BID: variants seen among roughly 807,000 people sequenced by gnomAD.
BID encodes the protein BH3 interacting domain death agonist, also known as BH3-interacting domain death agonist.
Under a neutral mutation model 17.4 loss-of-function variants are expected in BID, and 19 were observed. The ratio of observed to expected loss-of-function variants is 1.09; its 90% CI spans 0.76 to 1.60. BID has a LOEUF of 1.60. Among genes scored for constraint, BID ranks in the 40% most tolerant of loss-of-function variants. BID has a pLI of 0.00. For synonymous variants in BID, 108 were observed against 102.8 expected (o/e 1.05, Z -0.31); for missense variants, 226 against 256.0 (o/e 0.88, Z 0.80).
chr22:17,741,695 C>T (rs2061460821), intron 3 of BID, among the ~76,000 whole-genome samples: 1 of 152,084 alleles, frequency 6.6e-6, no homozygotes, highest in Admixed American at 6.5e-5. Flanking sequence ...CTAGGGTGGT[C>T]TTGAACTCCT....
intron 1 of BID, among the ~76,000 whole-genome samples, chr22:17,762,340 T>C (rs2061645319): frequency 1.3e-5 from 2 of 151,912 alleles, no homozygotes; most frequent in African/African-American, 4.8e-5. Context: ...CTACTAAAAA[T>C]ACAAAAATTA....
At chr22:17,751,144 G>C (rs908534230) in intron 1 of BID, among the ~76,000 whole-genome samples, 1 of 151,604 alleles carries the variant, frequency 6.6e-6, no homozygotes, top group Non-Finnish European at 1.5e-5. Context: ...AGGCCGAGGC[G>C]GGTGGATCAT....
At chr22:17,748,188 G>A (rs1296684) in intron 2 of BID, among the ~76,000 whole-genome samples, 1 of 146,096 alleles carries the variant, frequency 6.8e-6, no homozygotes, top group East Asian at 2.1e-4. Flanking sequence ...CAGCCTGGGC[G>A]ACAGAGCAAA....
chr22:17,738,323 T>A, intron 4 of BID, 94 bp from the exon 5 acceptor site: 2 of 1,189,128 alleles, frequency 1.7e-6, no homozygotes, highest in Non-Finnish European at 2.4e-6. Flanking sequence ...TCAAAGTACT[T>A]ATTAAGTATC....
intron 1 of BID, among the ~76,000 whole-genome samples, chr22:17,757,479 C>T (rs148376174): frequency 0.025 from 3,760 of 148,572 alleles, 134 homozygotes; most frequent in African/African-American, 0.086. Flanking sequence ...GAGGCCGAGG[C>T]GGGCGGATCA....
chr22:17,736,738 C>T (rs1452573440), intron 5 of BID, among the ~76,000 whole-genome samples: 1 of 152,250 alleles, frequency 6.6e-6, no homozygotes, highest in Admixed American at 6.5e-5. Context: ...CCTTCTGCCC[C>T]AGCCTCCTGA....
chr22:17,739,610 G>A (rs2061444298), intron 3 of BID, 122 bp from the exon 4 acceptor site: 1 of 1,305,944 alleles, frequency 7.7e-7, no homozygotes, highest in Non-Finnish European at 1.0e-6. Flanking sequence ...AGCCCCCACT[G>A]GGCACGTGCT....
intron 1 of BID, among the ~76,000 whole-genome samples, chr22:17,751,933 C>A (rs1278918669): frequency 1.3e-5 from 2 of 152,318 alleles, no homozygotes; most frequent in Non-Finnish European, 1.5e-5. Flanking sequence ...AGGAAACAGG[C>A]CACAGAGGCC....
At chr22:17,757,469 G>T (rs1249631501) in intron 1 of BID, among the ~76,000 whole-genome samples, 16 of 150,836 alleles carry the variant, frequency 1.1e-4, no homozygotes, top group Non-Finnish European at 2.4e-4. Flanking sequence ...AGCACTTTGG[G>T]AGGCCGAGGC....
upstream of BID, chr22:17,774,585 G>C (rs907177325): frequency 6.7e-6 from 1 of 150,330 alleles, no homozygotes; most frequent in Non-Finnish European, 1.5e-5. Context: ...GCGCGGGGCT[G>C]TGGAGCGGGG....
At chr22:17,768,389 G>A (rs1316782299) in intron 1 of BID, among the ~76,000 whole-genome samples, 1 of 152,220 alleles carries the variant, frequency 6.6e-6, no homozygotes, top group Non-Finnish European at 1.5e-5. Flanking sequence ...GAAGTCAGTG[G>A]ACCCCTATGC....
chr22:17,735,866 C>G (rs1378091614), intron 5 of BID, among the ~76,000 whole-genome samples: 1 of 152,164 alleles, frequency 6.6e-6, no homozygotes. Context: ...TGCCTCAGCC[C>G]TCAGTCTCTG....
Position 17,764,375 on chromosome 22 carries a change from G to A in BID, c.-59+10006C>T, listed in dbSNP as rs1246508451. ...AGGAGAAAGAGCCCTATTGGGAAGA[G>A]GCGTTGGCTGTGCCCCTACACTGAG... is the stretch of plus-strand genomic sequence containing the variant. On this transcript the variant is annotated intron_variant, in intron 1 of 5. Transcript: ENST00000622694. The A allele has an allele frequency of 2.0e-5, 3 of 152,838 alleles. No individual in the cohort carries two copies. In the East Asian group the frequency reaches 5.8e-4, roughly 29 times the overall value. The allele number at this position is 152,838 out of a possible 1,614,324, so 9.5% of individuals were successfully genotyped here.
chr22:17,751,945 C>G (rs936972918), intron 1 of BID, among the ~76,000 whole-genome samples: 1 of 152,196 alleles, frequency 6.6e-6, no homozygotes, highest in African/African-American at 2.4e-5. Context: ...ACAGAGGCCA[C>G]GGCACCTCCC....
chr22:17,755,011 C>T (rs2061571033), intron 1 of BID, among the ~76,000 whole-genome samples: 1 of 151,992 alleles, frequency 6.6e-6, no homozygotes, highest in Non-Finnish European at 1.5e-5. Context: ...GATCGCCCAC[C>T]TTGGCCTCCC....
intron 1 of BID, among the ~76,000 whole-genome samples, chr22:17,771,719 A>G (rs1474524696): frequency 6.6e-6 from 1 of 152,126 alleles, no homozygotes; most frequent in Non-Finnish European, 1.5e-5. Context: ...CGCAGGCAGA[A>G]AGAGAAAAGG....
intron 3 of BID, 56 bp from the exon 4 acceptor site, chr22:17,739,544 C>T: frequency 1.3e-6 from 2 of 1,568,882 alleles, no homozygotes; most frequent in Non-Finnish European, 1.7e-6. Flanking sequence ...GTCCCTGATA[C>T]CCTCTCCCAC....
chr22:17,748,793 G>A (rs1207139794), intron 2 of BID, among the ~76,000 whole-genome samples: 2 of 152,248 alleles, frequency 1.3e-5, no homozygotes, highest in African/African-American at 2.4e-5. Flanking sequence ...GGTGACGGTG[G>A]TGTTCTACCT....
rs1368188170 is a variant in BID at position 17,769,341 on chromosome 22, T to G, written c.-59+5040A>C. On this transcript the variant is annotated intron_variant, in intron 1 of 5. Transcript: ENST00000622694. The surrounding 1 kb of genome is among the most constrained non-coding windows in gnomAD (Gnocchi z 4.8). ...GGGCTCCCTGCTCAGTTGGCCGGGT[T>G]TGGGGCTGGATGTCTGCAGGGGTCC... Among the ~76,000 whole-genome samples, 2 of 152,190 alleles carry G rather than the reference T, an allele frequency of 1.3e-5. No homozygotes were observed. The highest frequency in any genetic ancestry group is 2.9e-5 in the Non-Finnish European group (2 of 68,022).
Sources: allele counts gnomAD v4.1 joint callset (sites outside exome capture counted in the v4.1 genomes callset), GRCh38; gene constraint gnomAD v4.1.1; non-coding constraint Gnocchi (gnomAD v3.1); transcripts MANE v1.5; gene names NCBI Gene and HGNC (gene_info 2026-07-23, HGNC 2026-07-21).